Variants in SLC24A3 observed in about 807,000 individuals in gnomAD.
SLC24A3 encodes the protein solute carrier family 24 member 3.
A neutral mutation model predicts 75.8 loss-of-function variants in SLC24A3; 28 were observed. The observed-to-expected ratio is 0.37, with a 90% CI of 0.27 to 0.51. SLC24A3 has a LOEUF of 0.51. Among genes scored for constraint, SLC24A3 ranks in the 20% least tolerant of loss-of-function variants. The pLI is 0.94. For synonymous variants in SLC24A3, 372 were observed against 334.1 expected (o/e 1.11, Z -1.24); for missense variants, 663 against 847.8 (o/e 0.78, Z 2.71).
At chr20:19,364,897 G>A (rs73605518) in intron 2 of SLC24A3, among the ~76,000 whole-genome samples, 8,635 of 152,178 alleles carry the variant, frequency 0.057, 693 homozygotes, top group East Asian at 0.29. Flanking sequence ...AAGTAGGCAC[G>A]GAGGAGCAGC....
intron 8 of SLC24A3, among the ~76,000 whole-genome samples, chr20:19,667,926 C>T (rs906510212): frequency 3.3e-5 from 5 of 152,190 alleles, no homozygotes; most frequent in Admixed American, 6.5e-5. Flanking sequence ...TCAGAGCCCT[C>T]GCCCTGAGCA....
At chr20:19,384,597 T>C (rs1986240419) in intron 2 of SLC24A3, among the ~76,000 whole-genome samples, 1 of 152,226 alleles carries the variant, frequency 6.6e-6, no homozygotes, top group African/African-American at 2.4e-5. Flanking sequence ...GACACTTAGG[T>C]TGATTCAGAA....
Position 19,227,188 on chromosome 20 carries a change from G to C in SLC24A3, c.142+14204G>C, listed in dbSNP as rs146517955. Among the ~76,000 whole-genome samples, 611 of 152,228 alleles carry C rather than the reference G, an allele frequency of 4.0e-3. 3 individuals are homozygous for C. The highest frequency in any genetic ancestry group is 0.014 in the African/African-American group (592 of 41,526). On this transcript the variant is annotated intron_variant, in intron 1 of 16. Transcript: ENST00000328041. ...GATTGTAGAAAGATGGTGTCCCGTTGGTTTAGTTTGCCTTCCTTCTTTACC... is the reference window on the plus strand; with the variant it reads ...GATTGTAGAAAGATGGTGTCCCGTTCGTTTAGTTTGCCTTCCTTCTTTACC...
intron 6 of SLC24A3, among the ~76,000 whole-genome samples, chr20:19,586,898 T>C (rs1335195115): frequency 6.6e-6 from 1 of 152,196 alleles, no homozygotes. Context: ...AATGAGCTCA[T>C]GTCTTAGATT....
At chr20:19,495,382 G>A (rs1988268933) in intron 2 of SLC24A3, among the ~76,000 whole-genome samples, 1 of 152,284 alleles carries the variant, frequency 6.6e-6, no homozygotes, top group South Asian at 2.1e-4. Context: ...TTCCTTTCCA[G>A]CCCTTTCCTT....
chr20:19,447,723 G>A (rs1987411441), intron 2 of SLC24A3, among the ~76,000 whole-genome samples: 1 of 152,158 alleles, frequency 6.6e-6, no homozygotes, highest in Admixed American at 6.5e-5. Flanking sequence ...GTTCCTCTGT[G>A]AAGCTATACC....
At chr20:19,619,177 A>G (rs1182302523) in intron 6 of SLC24A3, among the ~76,000 whole-genome samples, 1 of 152,210 alleles carries the variant, frequency 6.6e-6, no homozygotes, top group East Asian at 1.9e-4. Context: ...AATATGAGAC[A>G]TAAGTGACCT....
intron 1 of SLC24A3, among the ~76,000 whole-genome samples, chr20:19,214,238 C>A (rs1366067669): frequency 6.6e-6 from 1 of 152,090 alleles, no homozygotes; most frequent in Non-Finnish European, 1.5e-5. Context: ...TTCAGTGAAG[C>A]TGTTCAAGAC....
chr20:19,718,724 G>C (rs1028925176), intron 16 of SLC24A3, among the ~76,000 whole-genome samples: 5 of 152,322 alleles, frequency 3.3e-5, no homozygotes, highest in Middle Eastern at 3.4e-3. Context: ...AGAGAGGCAG[G>C]TTTGGGGGAG....
chr20:19,291,124 G>A (rs545099444), intron 2 of SLC24A3, among the ~76,000 whole-genome samples: 1 of 150,850 alleles, frequency 6.6e-6, no homozygotes, highest in East Asian at 1.9e-4. Flanking sequence ...AGGGCTGGCC[G>A]AGGTAACAGG....
chr20:19,560,844 G>A (rs1271754264), intron 3 of SLC24A3, among the ~76,000 whole-genome samples: 1 of 152,122 alleles, frequency 6.6e-6, no homozygotes, highest in Admixed American at 6.5e-5. Context: ...CGAAGAAAGG[G>A]TAATTCTTTG....
intron 2 of SLC24A3, among the ~76,000 whole-genome samples, chr20:19,303,564 A>T (rs1984249622): frequency 6.6e-6 from 1 of 152,164 alleles, no homozygotes; most frequent in South Asian, 2.1e-4. Context: ...ATTTCTGTTA[A>T]TTTCTTTGAG....
chr20:19,401,575 C>T (rs1387835557), intron 2 of SLC24A3, among the ~76,000 whole-genome samples: 2 of 152,168 alleles, frequency 1.3e-5, no homozygotes, highest in Non-Finnish European at 2.9e-5. Flanking sequence ...CAAAGGATTT[C>T]CCAATAGGGA....
rs74760813 is a variant in SLC24A3, at chr20:19,224,422, A to G, written c.142+11438A>G. On this transcript the variant is annotated intron_variant, in intron 1 of 16. Transcript: ENST00000328041. ...TGCAATTTGGGGCAGGTCAGTCTAC[A>G]TTAGTAAAATTGAACCATGAAGGGT... Among the ~76,000 whole-genome samples, 265 of 152,302 alleles carry G rather than the reference A, an allele frequency of 1.7e-3. 4 individuals are homozygous for G. Among genetic ancestry groups the G allele is most frequent in the African/African-American group, 5.7e-3 (237 of 41,588 alleles).
chr20:19,225,305 G>A (rs1981841892), intron 1 of SLC24A3, among the ~76,000 whole-genome samples: 1 of 152,130 alleles, frequency 6.6e-6, no homozygotes, highest in Non-Finnish European at 1.5e-5. Flanking sequence ...GTGATATGAA[G>A]GACCTCTTGA....
intron 2 of SLC24A3, among the ~76,000 whole-genome samples, chr20:19,366,735 A>G (rs185707231): frequency 7.9e-5 from 12 of 152,190 alleles, no homozygotes; most frequent in Admixed American, 5.9e-4. Flanking sequence ...GGGGCTGACA[A>G]TTGGGCCCCA....
intron 6 of SLC24A3, among the ~76,000 whole-genome samples, chr20:19,625,232 C>T (rs2031853228): frequency 6.6e-6 from 1 of 152,132 alleles, no homozygotes; most frequent in Admixed American, 6.6e-5. Context: ...GAATGATGAT[C>T]AAAGAATCTC....
At chr20:19,253,980 T>C (rs1982736533) in intron 1 of SLC24A3, among the ~76,000 whole-genome samples, 1 of 152,090 alleles carries the variant, frequency 6.6e-6, no homozygotes, top group Non-Finnish European at 1.5e-5. Flanking sequence ...GAGGTTTTCC[T>C]GTCCAACATG....
At chr20:19,314,830 G>A (rs1214881977) in intron 2 of SLC24A3, among the ~76,000 whole-genome samples, 1 of 152,238 alleles carries the variant, frequency 6.6e-6, no homozygotes, top group Non-Finnish European at 1.5e-5. Context: ...TGGCCTGTCG[G>A]TGTGTCTGGA....
Sources: allele counts gnomAD v4.1 joint callset (sites outside exome capture counted in the v4.1 genomes callset), GRCh38; gene constraint gnomAD v4.1.1; transcripts MANE v1.5; gene names NCBI Gene and HGNC (gene_info 2026-07-23, HGNC 2026-07-21).